PLCB1: variants seen among roughly 807,000 people sequenced by gnomAD.
PLCB1 encodes 1-phosphatidylinositol 4,5-bisphosphate phosphodiesterase beta-1.
In PLCB1, 46 loss-of-function variants were observed where a neutral mutation model predicts 161.8. That is an observed-to-expected ratio of 0.28 (90% CI 0.22 to 0.36). PLCB1 has a LOEUF of 0.36. PLCB1 is among the 10% of genes least tolerant of loss of function. PLCB1 has a pLI of 1.00. For synonymous variants in PLCB1, 517 were observed against 503.7 expected, an observed-to-expected ratio of 1.03 and a Z score of -0.35; for missense variants, 1,016 against 1,472.5, an observed-to-expected ratio of 0.69 and a Z score of 5.07.
At chr20:8,558,509 CAGAA>C (rs985835279) in intron 3 of PLCB1, among the ~76,000 whole-genome samples, 2 of 151,432 alleles carry the variant, frequency 1.3e-5, no homozygotes, top group African/African-American at 4.8e-5. Flanking sequence ...GAAAAAAAGG[CAGAA>C]AGAATATTTG....
At chr20:8,146,780 A>T (rs1239095107) in intron 1 of PLCB1, among the ~76,000 whole-genome samples, 1 of 152,160 alleles carries the variant, frequency 6.6e-6, no homozygotes, top group Admixed American at 6.5e-5. Context: ...GTAAATTACT[A>T]AATAACATCT....
intron 3 of PLCB1, among the ~76,000 whole-genome samples, chr20:8,563,776 T>TA (rs1986230424): frequency 6.6e-6 from 1 of 152,126 alleles, no homozygotes; most frequent in East Asian, 1.9e-4. Flanking sequence ...TACCTAGGAA[T>TA]ACAACTTACA....
intron 31 of PLCB1, among the ~76,000 whole-genome samples, chr20:8,850,854 G>A (rs4813873): frequency 0.32 from 48,851 of 152,046 alleles, 8,807 homozygotes; most frequent in East Asian, 0.63. Flanking sequence ...TTATGTTATA[G>A]CAGCAGGAAT....
At chr20:8,411,387 G>A (rs1004736083) in intron 3 of PLCB1, among the ~76,000 whole-genome samples, 2 of 152,082 alleles carry the variant, frequency 1.3e-5, no homozygotes, top group African/African-American at 2.4e-5. Context: ...TGTGACTACT[G>A]GAACATTTTA....
chr20:8,228,344 C>T (rs1187799359), intron 2 of PLCB1, among the ~76,000 whole-genome samples: 1 of 152,080 alleles, frequency 6.6e-6, no homozygotes, highest in Non-Finnish European at 1.5e-5. Flanking sequence ...CTTTATAGAG[C>T]ACATCTTTTT....
chr20:8,306,731 AT>A (rs1357981533), intron 2 of PLCB1, among the ~76,000 whole-genome samples: 13 of 152,142 alleles, frequency 8.5e-5, no homozygotes, highest in Admixed American at 6.5e-4. Context: ...CTTTTACCCA[AT>A]TTTTTTGTTC....
chr20:8,183,862 A>G (rs6055609), intron 2 of PLCB1, among the ~76,000 whole-genome samples: 59,868 of 152,002 alleles, frequency 0.39, 13,778 homozygotes, highest in African/African-American at 0.65. Context: ...GATAAAAGTT[A>G]ACTCTGTATC....
At chr20:8,300,502 C>A (rs1555796415) in intron 2 of PLCB1, among the ~76,000 whole-genome samples, 2 of 152,042 alleles carry the variant, frequency 1.3e-5, no homozygotes, top group Non-Finnish European at 1.5e-5. Context: ...CTCACAGCAC[C>A]CTTTCTATGA....
chr20:8,849,796 C>T (rs552192704), intron 31 of PLCB1, among the ~76,000 whole-genome samples: 7 of 152,160 alleles, frequency 4.6e-5, no homozygotes, highest in South Asian at 2.1e-4. Context: ...GGGCGGATCA[C>T]GAGGTCAAGA....
At chr20:8,787,754 C>A (rs576921777) in intron 27 of PLCB1, among the ~76,000 whole-genome samples, 1 of 152,344 alleles carries the variant, frequency 6.6e-6, no homozygotes, top group South Asian at 2.1e-4. Context: ...AATTGATGCC[C>A]CCTTGGGGCT....
intron 2 of PLCB1, among the ~76,000 whole-genome samples, chr20:8,275,918 T>C (rs925458676): frequency 6.6e-6 from 1 of 152,128 alleles, no homozygotes; most frequent in Non-Finnish European, 1.5e-5. Context: ...TTTTCCTTTT[T>C]TTTTTTCATC....
At position 8,739,365 on chromosome 20, in the gene PLCB1, G is replaced by C. The variant is rs1980749768; in HGVS notation, c.2308+5G>C. On this transcript the variant is annotated splice_donor_5th_base_variant and intron_variant, in intron 21 of 31. Coordinates refer to ENST00000338037, the MANE Select transcript of PLCB1 (RefSeq NM_015192.4). ...CAGTGCAAGCCATTCGGCCAGGTATGGGTAGTGTGCTGAGAAACCTTTTAT... is the reference window on the plus strand; with the variant it reads ...CAGTGCAAGCCATTCGGCCAGGTATCGGTAGTGTGCTGAGAAACCTTTTAT... The C allele has an allele frequency of 6.3e-7, 1 of 1,580,842 alleles. No individual in the cohort carries two copies.
intron 3 of PLCB1, chr20:8,623,737 C>T (rs1482315128): frequency 6.6e-6 from 1 of 152,170 alleles, no homozygotes; most frequent in Non-Finnish European, 1.5e-5. Flanking sequence ...GAGTCTTTTG[C>T]TCTATTTAGA....
intron 3 of PLCB1, among the ~76,000 whole-genome samples, chr20:8,479,039 G>C (rs1398606435): frequency 6.6e-6 from 1 of 152,090 alleles, no homozygotes; most frequent in African/African-American, 2.4e-5. Context: ...AAACTGGCAT[G>C]AGTATTCTCT....
chr20:8,565,958 G>T (rs1047382599), intron 3 of PLCB1, among the ~76,000 whole-genome samples: 1 of 152,000 alleles, frequency 6.6e-6, no homozygotes, highest in Non-Finnish European at 1.5e-5. Flanking sequence ...CCACAGCAGC[G>T]CTGGATTCCT....
At chr20:8,841,478 A>AT (rs1986501088) in intron 31 of PLCB1, among the ~76,000 whole-genome samples, 1 of 152,242 alleles carries the variant, frequency 6.6e-6, no homozygotes, top group African/African-American at 2.4e-5. Flanking sequence ...AAAACAGATC[A>AT]TTATTAAAAG....
At chr20:8,163,280 C>A (rs185117254) in intron 2 of PLCB1, among the ~76,000 whole-genome samples, 160 of 152,282 alleles carry the variant, frequency 1.1e-3, no homozygotes, top group Admixed American at 2.6e-3. Context: ...AGTGGTATAC[C>A]CACCAGTTCC....
intron 9 of PLCB1, among the ~76,000 whole-genome samples, chr20:8,673,499 A>G (rs991789786): frequency 3.3e-5 from 5 of 152,216 alleles, no homozygotes; most frequent in African/African-American, 1.2e-4. Flanking sequence ...GTTAGGACTC[A>G]GCCCCCCAAA....
intron 11 of PLCB1, among the ~76,000 whole-genome samples, chr20:8,707,532 A>G (rs1333550484): frequency 1.3e-5 from 2 of 152,212 alleles, no homozygotes; most frequent in Non-Finnish European, 2.9e-5. Flanking sequence ...GTGAATATGC[A>G]TTGAAATCTG....
Sources: gnomAD v4.1 joint callset for allele counts (sites outside exome capture counted in the v4.1 genomes callset) on GRCh38, gnomAD v4.1.1 for gene constraint, MANE v1.5 for transcripts, NCBI Gene and HGNC (gene_info 2026-07-23, HGNC 2026-07-21) for gene names.